Variants in CACNA1C observed in about 807,000 individuals in gnomAD.
CACNA1C encodes the protein voltage-dependent L-type calcium channel subunit alpha-1C.
Under a neutral mutation model 229.0 loss-of-function variants are expected in CACNA1C, and 30 were observed. That is an observed-to-expected ratio of 0.13 (90% CI 0.10 to 0.18). The LOEUF (loss-of-function observed/expected upper bound fraction) is 0.18. Ranked by LOEUF, CACNA1C falls within the 10% of genes least tolerant of loss-of-function variation. CACNA1C has a pLI of 1.00. For synonymous variants in CACNA1C, 1,114 were observed against 1,132.5 expected (o/e 0.98, Z 0.33); for missense variants, 1,658 against 2,845.0 (o/e 0.58, Z 9.49).
Position 2,182,091 on chromosome 12 carries a change from C to T in CACNA1C, c.477+61661C>T, listed in dbSNP as rs547522000. Reference sequence around the variant, plus strand: ...GGTATTGGAGAAGGGATTTTAACATCGGGAGGGAACTGGGGAGATTGTGTG... The same window carrying T: ...GGTATTGGAGAAGGGATTTTAACATTGGGAGGGAACTGGGGAGATTGTGTG... On this transcript the variant is annotated intron_variant, in intron 3 of 46. Transcript: ENST00000399655. Among the ~76,000 whole-genome samples the T allele has an allele frequency of 7.2e-5, 9 of 124,798 alleles. No homozygotes were observed. The South Asian group carries it at 2.5e-3, about 35-fold the overall frequency. 81.9% of individuals were successfully genotyped at this position (124,798 alleles called of 152,430 possible).
At chr12:2,290,670 T>C (rs2093394665) in intron 3 of CACNA1C, among the ~76,000 whole-genome samples, 1 of 152,072 alleles carries the variant, frequency 6.6e-6, no homozygotes. Context: ...ATTAGAGACA[T>C]ACACTCGGGG....
intron 9 of CACNA1C, among the ~76,000 whole-genome samples, chr12:2,526,525 TG>T (rs1315461708): frequency 1.3e-5 from 2 of 152,258 alleles, no homozygotes; most frequent in African/African-American, 4.8e-5. Context: ...TCCAAACACC[TG>T]GCTTTGAGCC....
At chr12:2,040,248 T>C (rs1051293234) in intron 1 of CACNA1C, among the ~76,000 whole-genome samples, 8 of 152,262 alleles carry the variant, frequency 5.3e-5, no homozygotes, top group African/African-American at 1.4e-4. Flanking sequence ...CTTTGTGTGA[T>C]AGGAAATGTT....
rs398123519 is a variant in CACNA1C, at chr12:2,585,432, C to A, written c.2396C>A (p.Ser799Tyr). 2.4e-5 allele frequency: 38 copies of A among 1,606,980 alleles called. No individual in the cohort carries two copies. The highest frequency in any genetic ancestry group is 1.7e-4 in the Middle Eastern group (1 of 6,060). Reference protein sequence around the residue: ...ELVEKPAVGESKEEKIELKSI... With the variant: ...ELVEKPAVGEYKEEKIELKSI... ...GTGGAGAAGCCGGCAGTGGGGGAAT[C>A]CAAGGAGGAGAAGATTGAGCTGAAA... Residue 799 changes from serine (S) to tyrosine (Y), a missense_variant, in exon 17 of 47, where the codon TCC (serine) becomes TAC (tyrosine). By Grantham distance (144) the Ser-to-Tyr change is moderately radical (BLOSUM62 -2). Transcript: ENST00000399655. The surrounding 1 kb of genome is among the most constrained non-coding windows in gnomAD (Gnocchi z 4.1).
At chr12:1,973,258 C>G (rs897694873) in intron 1 of CACNA1C, among the ~76,000 whole-genome samples, 10 of 152,072 alleles carry the variant, frequency 6.6e-5, no homozygotes, top group Admixed American at 3.3e-4. Context: ...ATCCCATGAC[C>G]TGAGAATAAT....
chr12:2,146,755 C>T (rs994787245), intron 3 of CACNA1C, among the ~76,000 whole-genome samples: 14 of 151,428 alleles, frequency 9.2e-5, no homozygotes, highest in Admixed American at 6.0e-4. Context: ...ACCAAACTCG[C>T]GTAGCCTTCT....
chr12:2,418,371 T>G (rs747115995), intron 3 of CACNA1C, among the ~76,000 whole-genome samples: 30 of 152,154 alleles, frequency 2.0e-4, no homozygotes, highest in Non-Finnish European at 4.1e-4. Flanking sequence ...CAGTAAGGTG[T>G]GAATGACTAA....
At chr12:2,438,859 C>T (rs1049129594) in intron 3 of CACNA1C, among the ~76,000 whole-genome samples, 9 of 152,030 alleles carry the variant, frequency 5.9e-5, no homozygotes, top group African/African-American at 2.2e-4. Context: ...TTCCCTGGGC[C>T]AGGTGTTGGT....
rs201980843 is a variant in CACNA1C, at chr12:2,679,478, A to G, written c.5126A>G (p.Tyr1709Cys). 1.9e-6 allele frequency: 3 copies of G among 1,598,432 alleles called. No homozygotes were observed. In the Admixed American group the frequency reaches 5.1e-5, roughly 27 times the overall value. The change falls in exon 42 of 47, where the codon TAC (tyrosine) becomes TGC (cysteine). Residue 1709 changes from tyrosine to cysteine, a missense_variant. Physicochemically the swap from Tyr to Cys is radical, Grantham distance 194 (BLOSUM62 -2). Coordinates refer to ENST00000399655, the MANE Select transcript of CACNA1C (RefSeq NM_000719.7). This position sits in a 1 kb window ranked among gnomAD's most constrained non-coding sequence, Gnocchi z 5.5. ...AGGLFGNHVS[Y>C]YQSDGRSAFP... ...GGCCTGTTCGGCAACCACGTCAGCT[A>G]CTACCAAAGCGACGGCCGGAGCGCC...
intron 13 of CACNA1C, among the ~76,000 whole-genome samples, chr12:2,569,328 C>G (rs1018571012): frequency 2.0e-5 from 3 of 151,614 alleles, no homozygotes; most frequent in African/African-American, 7.3e-5. Context: ...AATTCATATC[C>G]CATATATTTA....
At chr12:2,322,913 T>C (rs1489870792) in intron 3 of CACNA1C, among the ~76,000 whole-genome samples, 1 of 152,212 alleles carries the variant, frequency 6.6e-6, no homozygotes, top group East Asian at 1.9e-4. Context: ...GGTGATGAAG[T>C]GGCCCTCCGC....
rs374981675 is a variant in CACNA1C, at chr12:2,056,292, A to T, written c.49+2681A>T. On this transcript the variant is annotated intron_variant, in intron 1 of 46. Transcript: ENST00000399655. The stretch of plus-strand genomic sequence containing the variant: ...GTGCCTGGGAACAGCCTGGAAGTTC[A>T]TTGAAGGACCAGCTTCTGACCCTGG... Among the ~76,000 whole-genome samples, 276 of 151,894 alleles carry T rather than the reference A, an allele frequency of 1.8e-3. 11 individuals are homozygous for T. The South Asian group carries it at 0.056, about 31-fold the overall frequency.
chr12:2,338,642 G>A (rs1811291257), intron 3 of CACNA1C, among the ~76,000 whole-genome samples: 1 of 152,200 alleles, frequency 6.6e-6, no homozygotes, highest in Admixed American at 6.5e-5. Context: ...TAGGGTTAGG[G>A]TTGGCAAGGT....
chr12:2,292,752 G>A, intron 3 of CACNA1C, among the ~76,000 whole-genome samples: 1 of 152,158 alleles, frequency 6.6e-6, no homozygotes, highest in East Asian at 1.9e-4. Context: ...CTAGTTCTCA[G>A]CCAATCTCTT....
chr12:2,341,095 A>G (rs1359914172), intron 3 of CACNA1C, among the ~76,000 whole-genome samples: 1 of 152,152 alleles, frequency 6.6e-6, no homozygotes, highest in East Asian at 1.9e-4. Context: ...CCAGGCCTGG[A>G]TGTGCCACTT....
intron 3 of CACNA1C, among the ~76,000 whole-genome samples, chr12:2,137,525 G>C (rs2093664350): frequency 6.6e-6 from 1 of 151,234 alleles, no homozygotes; most frequent in South Asian, 2.1e-4. Flanking sequence ...GTTCAAGGCA[G>C]CAGTGAGCTA....
At chr12:2,496,654 G>C (rs1192209540) in intron 7 of CACNA1C, among the ~76,000 whole-genome samples, 1 of 152,172 alleles carries the variant, frequency 6.6e-6, no homozygotes, top group Admixed American at 6.5e-5. Flanking sequence ...AATCAGACTT[G>C]GTCGAGTAAT....
At chr12:2,612,395 G>GC in intron 29 of CACNA1C, 3 of 173,608 alleles carry the variant, frequency 1.7e-5, no homozygotes, top group East Asian at 1.6e-4. Flanking sequence ...TCCAGGCCCA[G>GC]CCCCCCAGAT....
At chr12:2,495,488 T>C (rs2099744850) in intron 7 of CACNA1C, among the ~76,000 whole-genome samples, 1 of 152,234 alleles carries the variant, frequency 6.6e-6, no homozygotes, top group African/African-American at 2.4e-5. Flanking sequence ...GATGTATTTT[T>C]GTGTTCTTCC....
Sources: allele counts gnomAD v4.1 joint callset (sites outside exome capture counted in the v4.1 genomes callset), GRCh38; gene constraint gnomAD v4.1.1; non-coding constraint Gnocchi (gnomAD v3.1); transcripts MANE v1.5; gene names NCBI Gene and HGNC (gene_info 2026-07-23, HGNC 2026-07-21).